CEP128: variants seen among roughly 807,000 people sequenced by gnomAD.
CEP128 encodes centrosomal protein 128kDa.
Under a neutral mutation model 156.7 loss-of-function variants are expected in CEP128, and 132 were observed. The ratio of observed to expected loss-of-function variants is 0.84; its 90% confidence interval spans 0.73 to 0.97. The LOEUF (loss-of-function observed/expected upper bound fraction) is 0.97, where lower values mean the gene tolerates loss of function less well. CEP128 is among the 50% of genes least tolerant of loss of function. The pLI, the probability that CEP128 is intolerant of heterozygous loss-of-function variation, is 0.00. For missense variants in CEP128, 1,252 were observed against 1,281.9 expected, an observed-to-expected ratio of 0.98 and a Z score of 0.36; for synonymous variants, 469 against 448.9, an observed-to-expected ratio of 1.04 and a Z score of -0.57.
At chr14:80,877,046 G>T (rs1013260573) in intron 8 of CEP128, among the ~76,000 whole-genome samples, 1 of 152,062 alleles carries the variant, frequency 6.6e-6, no homozygotes, top group South Asian at 2.1e-4. Context: ...TGAAAAGCGG[G>T]GTTTATGGAG....
chr14:80,898,121 G>T (rs1889434029), intron 7 of CEP128, among the ~76,000 whole-genome samples: 1 of 152,178 alleles, frequency 6.6e-6, no homozygotes, highest in East Asian at 1.9e-4. Flanking sequence ...GGTGATTTCT[G>T]AATTAAACTT....
At chr14:80,507,826 A>T (rs980188686) in intron 23 of CEP128, among the ~76,000 whole-genome samples, 2 of 152,232 alleles carry the variant, frequency 1.3e-5, no homozygotes, top group African/African-American at 4.8e-5. Flanking sequence ...TTCTTCCTAA[A>T]AGGCATGGTT....
At chr14:80,633,427 C>T (rs1326111940) in intron 19 of CEP128, among the ~76,000 whole-genome samples, 1 of 152,012 alleles carries the variant, frequency 6.6e-6, no homozygotes, top group Non-Finnish European at 1.5e-5. Context: ...AAGTTAATAC[C>T]CCTTGTAGAG....
Position 80,556,090 on chromosome 14 carries a change from G to A in CEP128, c.2880+3189C>T, listed in dbSNP as rs1467208918. Among the ~76,000 whole-genome samples the A allele has an allele frequency of 2.0e-5, 3 of 152,028 alleles. No individual in the cohort carries two copies. In the East Asian group the frequency reaches 5.8e-4, roughly 29 times the overall value. On this transcript the variant is annotated intron_variant, in intron 21 of 24. Transcript: ENST00000555265. The stretch of plus-strand genomic sequence containing the variant: ...GAGTCCCATCCTTGGCCCATGAGCA[G>A]GGGCTCTCAATCAAAGTTTTTTCCC...
intron 8 of CEP128, among the ~76,000 whole-genome samples, chr14:80,879,626 G>A (rs1350508471): frequency 6.6e-6 from 1 of 151,854 alleles, no homozygotes; most frequent in Non-Finnish European, 1.5e-5. Flanking sequence ...TTGAAGATGA[G>A]TATTTTGAAA....
intron 19 of CEP128, among the ~76,000 whole-genome samples, chr14:80,642,425 T>G (rs1386554725): frequency 1.3e-5 from 2 of 152,194 alleles, no homozygotes; most frequent in Admixed American, 1.3e-4. Flanking sequence ...GGCTCTCACC[T>G]GAAACCCCAG....
upstream of CEP128, among the ~76,000 whole-genome samples, chr14:80,942,816 C>G (rs556080608): frequency 6.6e-6 from 1 of 152,178 alleles, no homozygotes. Context: ...TTCTCTCCTT[C>G]CATCCCTCCT....
At chr14:80,655,302 T>C (rs1489510136) in intron 19 of CEP128, among the ~76,000 whole-genome samples, 1 of 152,172 alleles carries the variant, frequency 6.6e-6, no homozygotes, top group African/African-American at 2.4e-5. Context: ...GCTGCCAGAG[T>C]GACCTTACTA....
At chr14:80,488,868 G>T (rs1232808197), downstream of CEP128, among the ~76,000 whole-genome samples, 1 of 151,216 alleles carries the variant, frequency 6.6e-6, no homozygotes, top group Non-Finnish European at 1.5e-5. Context: ...ATCATTCTCA[G>T]CAAACTATCA....
intron 19 of CEP128, among the ~76,000 whole-genome samples, chr14:80,686,815 A>C (rs1208611377): frequency 6.6e-6 from 1 of 152,180 alleles, no homozygotes; most frequent in Non-Finnish European, 1.5e-5. Flanking sequence ...ATTCTTGTTT[A>C]AACCAACAAA....
At chr14:80,595,589 G>C (rs1047022535) in intron 19 of CEP128, among the ~76,000 whole-genome samples, 1 of 152,040 alleles carries the variant, frequency 6.6e-6, no homozygotes, top group Non-Finnish European at 1.5e-5. Context: ...ATACCCAGAG[G>C]AACTACTGAA....
chr14:80,758,124 T>G (rs1427328202), intron 17 of CEP128, among the ~76,000 whole-genome samples: 1 of 152,236 alleles, frequency 6.6e-6, no homozygotes, highest in Non-Finnish European at 1.5e-5. Flanking sequence ...ATAAAGATAT[T>G]AATGTTTAAT....
intron 19 of CEP128, among the ~76,000 whole-genome samples, chr14:80,686,600 C>T (rs904934217): frequency 4.6e-5 from 7 of 152,042 alleles, no homozygotes; most frequent in African/African-American, 7.2e-5. Context: ...CGTAAATGGG[C>T]TAAATGCTCC....
intron 8 of CEP128, among the ~76,000 whole-genome samples, chr14:80,891,940 G>T (rs527823766): frequency 2.0e-5 from 3 of 151,562 alleles, no homozygotes; most frequent in South Asian, 4.2e-4. Flanking sequence ...TAAATGAAAA[G>T]ATATTCCATC....
At chr14:80,546,265 G>A (rs1889980554) in intron 21 of CEP128, among the ~76,000 whole-genome samples, 1 of 152,136 alleles carries the variant, frequency 6.6e-6, no homozygotes, top group African/African-American at 2.4e-5. Context: ...GACACATGCA[G>A]GATAAGAATT....
chr14:80,645,736 T>C (rs1452720772), intron 19 of CEP128, among the ~76,000 whole-genome samples: 3 of 152,146 alleles, frequency 2.0e-5, no homozygotes, highest in Non-Finnish European at 4.4e-5. Flanking sequence ...CCAAATGAAC[T>C]GAACATTTAT....
chr14:80,549,733 C>T (rs10134220), intron 21 of CEP128, among the ~76,000 whole-genome samples: 55,707 of 151,968 alleles, frequency 0.37, 10,479 homozygotes, highest in East Asian at 0.5. Context: ...TTCTTAAGTG[C>T]CCTAGAGCAC....
At chr14:80,898,523 T>C (rs949962485) in intron 7 of CEP128, among the ~76,000 whole-genome samples, 1 of 152,180 alleles carries the variant, frequency 6.6e-6, no homozygotes, top group Admixed American at 6.5e-5. Flanking sequence ...CAGTCCAATA[T>C]TGGTTACTCA....
At chr14:80,907,751 C>T (rs1427394354) in intron 4 of CEP128, among the ~76,000 whole-genome samples, 2 of 150,420 alleles carry the variant, frequency 1.3e-5, no homozygotes, top group East Asian at 1.9e-4. Flanking sequence ...GTAATTTACA[C>T]ATAAGTAAAA....
Sources: allele counts gnomAD v4.1 joint callset (sites outside exome capture counted in the v4.1 genomes callset), GRCh38; gene constraint gnomAD v4.1.1; transcripts MANE v1.5; gene names NCBI Gene and HGNC (gene_info 2026-07-23, HGNC 2026-07-21).